The following GOLIM4 variants were observed in gnomAD, a reference collection of about 807,000 sequenced individuals.
GOLIM4 encodes golgi integral membrane protein 4, also known as 130 kDa golgi-localized phosphoprotein.
A neutral mutation model predicts 107.4 loss-of-function variants in GOLIM4; 71 were observed. The ratio of observed to expected loss-of-function variants is 0.66; its 90% CI spans 0.55 to 0.81. The LOEUF (loss-of-function observed/expected upper bound fraction) is 0.81, where lower values mean the gene tolerates loss of function less well. Ranked by LOEUF, GOLIM4 falls within the 30% of genes least tolerant of loss-of-function variation. GOLIM4 has a pLI of 0.00. For missense variants in GOLIM4, 830 were observed against 826.1 expected, an observed-to-expected ratio of 1.00 and a Z score of -0.06; for synonymous variants, 327 against 294.8, an observed-to-expected ratio of 1.11 and a Z score of -1.12.
intron 2 of GOLIM4, among the ~76,000 whole-genome samples, chr3:168,047,307 G>A (rs1165482997): frequency 1.3e-5 from 2 of 152,260 alleles, no homozygotes; most frequent in East Asian, 1.9e-4. Context: ...GGGAAAAAAT[G>A]GAGCACATCT....
chr3:168,034,520 G>A (rs1428591958), intron 8 of GOLIM4, among the ~76,000 whole-genome samples: 1 of 152,196 alleles, frequency 6.6e-6, no homozygotes, highest in Non-Finnish European at 1.5e-5. Context: ...AGAGTGAAGA[G>A]GCTCATATAT....
intron 1 of GOLIM4, among the ~76,000 whole-genome samples, chr3:168,060,084 T>A (rs1466710852): frequency 6.7e-6 from 1 of 148,840 alleles, no homozygotes; most frequent in African/African-American, 2.5e-5. Flanking sequence ...TTGGAGAAAT[T>A]GGGAACCATT....
chr3:168,084,843 G>C (rs1438974362), intron 1 of GOLIM4, among the ~76,000 whole-genome samples: 1 of 152,080 alleles, frequency 6.6e-6, no homozygotes, highest in East Asian at 1.9e-4. Context: ...GGGCTTAAAT[G>C]AAAGTGAGAA....
chr3:168,047,943 C>A (rs1204577543), intron 2 of GOLIM4, among the ~76,000 whole-genome samples: 1 of 151,796 alleles, frequency 6.6e-6, no homozygotes, highest in Non-Finnish European at 1.5e-5. Flanking sequence ...ACTTCCCCCC[C>A]AACCCCAGCC....
chr3:168,019,707 C>A (rs1304900604), intron 14 of GOLIM4, among the ~76,000 whole-genome samples: 4 of 152,128 alleles, frequency 2.6e-5, no homozygotes, highest in Non-Finnish European at 1.5e-5. Flanking sequence ...TTTGAATGAA[C>A]TCAGGTTCGA....
chr3:168,047,492 C>A (rs1719379813), intron 2 of GOLIM4, among the ~76,000 whole-genome samples: 1 of 152,186 alleles, frequency 6.6e-6, no homozygotes, highest in African/African-American at 2.4e-5. Context: ...CAAATCTTAT[C>A]AAAGCATTTA....
Position 168,030,017 on chromosome 3 carries a change from G to C in GOLIM4, c.1196C>G (p.Pro399Arg). 6.2e-7 allele frequency: 1 copy of C among 1,614,140 alleles called. No homozygotes were observed. The highest frequency in any genetic ancestry group is 8.5e-7 in the Non-Finnish European group (1 of 1,180,000). Residue 399 changes from proline (P) to arginine (R), a missense_variant, in exon 10 of 16, where the codon CCA becomes CGA. By Grantham distance (103) the Pro-to-Arg change is moderately radical. Coordinates refer to ENST00000470487, the MANE Select transcript of GOLIM4 (RefSeq NM_014498.5). Reference sequence around the variant, plus strand: ...ATAGGGTGATTGGAATTTGATCATTGGCTTGGCTGAAGGGTACACCTAGGG... The same window carrying C: ...ATAGGGTGATTGGAATTTGATCATTCGCTTGGCTGAAGGGTACACCTAGGG... ...ARAEVYPSAKPMIKFQSPYEE... is the reference protein window; with the variant it reads ...ARAEVYPSAKRMIKFQSPYEE...
In GOLIM4 at chr3:168,009,890, T is replaced by C. The variant is rs1716893282; in HGVS notation, c.*379A>G. The C allele has an allele frequency of 6.1e-6, 1 of 162,686 alleles. No individual in the cohort carries two copies. The highest frequency in any genetic ancestry group is 1.3e-5 in the Non-Finnish European group (1 of 75,518). 10.1% of individuals were successfully genotyped at this position (162,686 alleles called of 1,614,324 possible). A position where few individuals can be genotyped will look rare whatever the true frequency, so the allele number is the denominator to read the frequency against. The stretch of plus-strand genomic sequence containing the variant: ...GGCATTTTGCAGTACTCTCTGTTCT[T>C]AAATCCTGTATTTTATCAAAGGCAA... On this transcript the variant is annotated 3_prime_UTR_variant, in exon 16 of 16. Coordinates refer to ENST00000470487, the MANE Select transcript of GOLIM4 (RefSeq NM_014498.5).
chr3:168,039,734 TTTGTCA>T (rs1560082837), intron 7 of GOLIM4, among the ~76,000 whole-genome samples: 1 of 152,210 alleles, frequency 6.6e-6, no homozygotes, highest in East Asian at 1.9e-4. Flanking sequence ...CTCAAATCAG[TTTGTCA>T]CATTTATAGT....
chr3:168,086,002 G>C (rs1417931878), intron 1 of GOLIM4, among the ~76,000 whole-genome samples: 1 of 152,052 alleles, frequency 6.6e-6, no homozygotes, highest in East Asian at 1.9e-4. Context: ...CCCACACCTG[G>C]ATCAAATTTG....
intron 1 of GOLIM4, among the ~76,000 whole-genome samples, chr3:168,057,161 A>T (rs1268802366): frequency 6.6e-6 from 1 of 152,200 alleles, no homozygotes; most frequent in Non-Finnish European, 1.5e-5. Context: ...TCCCTGCACA[A>T]GTTCTCCTGT....
At chr3:168,037,140 T>C (rs1017790664) in intron 7 of GOLIM4, 146 bp from the exon 8 acceptor site, 2 of 505,742 alleles carry the variant, frequency 4.0e-6, no homozygotes, top group African/African-American at 3.9e-5. Context: ...GCATTCACTA[T>C]TCTTACTTGG....
intron 3 of GOLIM4, among the ~76,000 whole-genome samples, chr3:168,046,483 A>G (rs1053989936): frequency 6.6e-6 from 1 of 152,130 alleles, no homozygotes; most frequent in Admixed American, 6.5e-5. Context: ...GGTACTTGAG[A>G]TTAGGGAGTG....
At chr3:168,056,197 A>G (rs1234661627) in intron 1 of GOLIM4, among the ~76,000 whole-genome samples, 2 of 152,236 alleles carry the variant, frequency 1.3e-5, no homozygotes, top group African/African-American at 4.8e-5. Context: ...AGCTTGGGCT[A>G]TGGCTTCAGA....
At chr3:168,072,277 C>T (rs1214552894) in intron 1 of GOLIM4, among the ~76,000 whole-genome samples, 1 of 151,878 alleles carries the variant, frequency 6.6e-6, no homozygotes, top group South Asian at 2.1e-4. Context: ...TCAATTCAAC[C>T]TGGTGAATGA....
At chr3:168,042,421 C>T (rs563641094) in intron 5 of GOLIM4, among the ~76,000 whole-genome samples, 3 of 152,296 alleles carry the variant, frequency 2.0e-5, no homozygotes, top group African/African-American at 7.2e-5. Context: ...GCTGAGATTA[C>T]AGGCATGTGC....
At chr3:168,011,850 A>C (rs1017027296) in intron 14 of GOLIM4, among the ~76,000 whole-genome samples, 23 of 134,954 alleles carry the variant, frequency 1.7e-4, no homozygotes, top group African/African-American at 8.6e-4. Context: ...GTTAGAAGGA[A>C]AACTAACAAA....
intron 1 of GOLIM4, among the ~76,000 whole-genome samples, chr3:168,060,982 T>A (rs1368807143): frequency 6.6e-6 from 1 of 152,156 alleles, no homozygotes; most frequent in African/African-American, 2.4e-5. Flanking sequence ...AGAGTAGAGG[T>A]TAATGGATTC....
At chr3:168,017,519 C>A (rs1313147720) in intron 14 of GOLIM4, among the ~76,000 whole-genome samples, 1 of 152,078 alleles carries the variant, frequency 6.6e-6, no homozygotes, top group African/African-American at 2.4e-5. Flanking sequence ...AATTAAAATT[C>A]CCATTTCTGT....
Sources: allele counts gnomAD v4.1 joint callset (sites outside exome capture counted in the v4.1 genomes callset), GRCh38; gene constraint gnomAD v4.1.1; transcripts MANE v1.5; gene names NCBI Gene and HGNC (gene_info 2026-07-23, HGNC 2026-07-21).